The following PTPRD variants were observed in gnomAD, a reference collection of about 807,000 sequenced individuals.
The protein encoded by PTPRD is protein tyrosine phosphatase receptor type D.
Under a neutral mutation model 214.5 loss-of-function variants are expected in PTPRD, and 34 were observed. That is an observed-to-expected ratio of 0.16 (90% confidence interval 0.12 to 0.21). The LOEUF is 0.21. Among genes scored for constraint, PTPRD ranks in the 10% least tolerant of loss-of-function variants. PTPRD has a pLI of 1.00. For missense variants in PTPRD, 2,545 were observed against 2,398.7 expected, an observed-to-expected ratio of 1.06 and a Z score of -1.27; for synonymous variants, 1,128 against 845.7, an observed-to-expected ratio of 1.33 and a Z score of -5.79.
chr9:8,951,159 A>AG (rs1491286877), intron 11 of PTPRD, among the ~76,000 whole-genome samples: 3 of 32,564 alleles, frequency 9.2e-5, no homozygotes, highest in Admixed American at 3.7e-4. Flanking sequence ...GTGTGTGTGT[A>AG]AGAGAGAGAG....
At chr9:8,897,918 G>A (rs1053206718) in intron 11 of PTPRD, among the ~76,000 whole-genome samples, 1 of 152,178 alleles carries the variant, frequency 6.6e-6, no homozygotes, top group Non-Finnish European at 1.5e-5. Flanking sequence ...TTAGCGAAAA[G>A]CAAATGAGAT....
chr9:8,500,656 A>T (rs752904439), intron 24 of PTPRD, 98 bp downstream of exon 24: 9 of 1,262,430 alleles, frequency 7.1e-6, no homozygotes, highest in Non-Finnish European at 9.9e-6. Context: ...CTGGGTAAAA[A>T]GATGAGCAGA....
At chr9:10,504,612 C>A (rs1467578714) in intron 2 of PTPRD, among the ~76,000 whole-genome samples, 1 of 152,134 alleles carries the variant, frequency 6.6e-6, no homozygotes, top group Non-Finnish European at 1.5e-5. Context: ...CATAGCAACT[C>A]TTCCGAATTC....
At chr9:9,930,272 G>C (rs1323482759) in intron 5 of PTPRD, among the ~76,000 whole-genome samples, 1 of 152,058 alleles carries the variant, frequency 6.6e-6, no homozygotes, top group Non-Finnish European at 1.5e-5. Context: ...ACAGAATTGG[G>C]AATATCGAAG....
chr9:8,679,995 T>A (rs182174030), intron 12 of PTPRD, among the ~76,000 whole-genome samples: 1 of 152,358 alleles, frequency 6.6e-6, no homozygotes, highest in Admixed American at 6.5e-5. Flanking sequence ...ATTAAAATCC[T>A]TAATGTAATC....
chr9:10,471,030 G>A (rs954828976), intron 2 of PTPRD, among the ~76,000 whole-genome samples: 5 of 152,036 alleles, frequency 3.3e-5, no homozygotes, highest in African/African-American at 9.7e-5. Flanking sequence ...ATCATTCTCA[G>A]CAAACTAACA....
chr9:9,769,829 A>G (rs1164577140), intron 5 of PTPRD, among the ~76,000 whole-genome samples: 4 of 151,764 alleles, frequency 2.6e-5, no homozygotes, highest in Non-Finnish European at 4.4e-5. Context: ...CTCATTGTTC[A>G]ACTCCCACTT....
chr9:10,561,591 G>C (rs2063980850), intron 2 of PTPRD, among the ~76,000 whole-genome samples: 1 of 152,020 alleles, frequency 6.6e-6, no homozygotes, highest in African/African-American at 2.4e-5. Flanking sequence ...ATATAACCCA[G>C]GAATAAAACC....
chr9:9,781,689 C>T (rs1402454360), intron 5 of PTPRD, among the ~76,000 whole-genome samples: 1 of 152,116 alleles, frequency 6.6e-6, no homozygotes, highest in Non-Finnish European at 1.5e-5. Flanking sequence ...TTACAACTTT[C>T]TCGAAAAGAC....
At chr9:10,563,968 T>C (rs776649822) in intron 2 of PTPRD, among the ~76,000 whole-genome samples, 4 of 151,708 alleles carry the variant, frequency 2.6e-5, no homozygotes, top group African/African-American at 4.8e-5. Context: ...TTTTGAAACA[T>C]CATCTGTGCC....
At chr9:10,150,262 A>T (rs1266480148) in intron 3 of PTPRD, among the ~76,000 whole-genome samples, 1 of 152,228 alleles carries the variant, frequency 6.6e-6, no homozygotes, top group African/African-American at 2.4e-5. Flanking sequence ...GAACCAACCC[A>T]AATGTCCATC....
At chr9:10,020,140 C>T (rs2096819235) in intron 4 of PTPRD, among the ~76,000 whole-genome samples, 1 of 152,060 alleles carries the variant, frequency 6.6e-6, no homozygotes, top group African/African-American at 2.4e-5. Flanking sequence ...AGAATACTAT[C>T]TTCTATTTTG....
intron 9 of PTPRD, among the ~76,000 whole-genome samples, chr9:9,390,792 AAG>A (rs773951409): frequency 6.6e-6 from 1 of 152,146 alleles, no homozygotes; most frequent in Non-Finnish European, 1.5e-5. Context: ...GTGACTTTGA[AAG>A]AGTTATTAAT....
rs1002734940 is a variant in PTPRD at position 9,191,813 on chromosome 9, T to G, written c.-202-8450A>C. On this transcript the variant is annotated intron_variant, in intron 9 of 45. Transcript: ENST00000381196. ...AGCATCTCTAAATGCAAATAAAATA[T>G]TAAGATATAATTAAACATATACTAT... Among the ~76,000 whole-genome samples the G allele has an allele frequency of 1.1e-4, 16 of 152,172 alleles. No individual in the cohort carries two copies. In the East Asian group the frequency reaches 3.1e-3, roughly 29 times the overall value.
chr9:10,083,459 T>C (rs1262981814), intron 3 of PTPRD, among the ~76,000 whole-genome samples: 2 of 152,072 alleles, frequency 1.3e-5, no homozygotes, highest in Non-Finnish European at 2.9e-5. Flanking sequence ...TTCTGAATCA[T>C]TTGCTTCTCA....
At chr9:9,660,810 A>T (rs1281082589) in intron 7 of PTPRD, among the ~76,000 whole-genome samples, 1 of 151,996 alleles carries the variant, frequency 6.6e-6, no homozygotes, top group Non-Finnish European at 1.5e-5. Flanking sequence ...CAACAACTCA[A>T]ATAACCTCAT....
At chr9:8,677,805 C>T (rs1056479463) in intron 12 of PTPRD, among the ~76,000 whole-genome samples, 1 of 152,062 alleles carries the variant, frequency 6.6e-6, no homozygotes, top group Non-Finnish European at 1.5e-5. Context: ...ATTAACAGAC[C>T]CAGGCACCAC....
At chr9:9,348,607 TGGGACGTTG>T (rs1423204516) in intron 9 of PTPRD, among the ~76,000 whole-genome samples, 3 of 152,096 alleles carry the variant, frequency 2.0e-5, no homozygotes, top group Admixed American at 6.6e-5. Context: ...CACTGTGTAA[TGGGACGTTG>T]GGGACAGGAG....
intron 3 of PTPRD, among the ~76,000 whole-genome samples, chr9:10,058,705 A>G (rs1216157713): frequency 6.6e-6 from 1 of 152,144 alleles, no homozygotes; most frequent in Non-Finnish European, 1.5e-5. Flanking sequence ...TGAGTTATTT[A>G]ATGGAACATT....
Sources: allele counts gnomAD v4.1 joint callset (sites outside exome capture counted in the v4.1 genomes callset), GRCh38; gene constraint gnomAD v4.1.1; transcripts MANE v1.5; gene names NCBI Gene and HGNC (gene_info 2026-07-23, HGNC 2026-07-21).